The following ADAM32 variants were observed in gnomAD, a reference collection of about 807,000 sequenced individuals.
The protein encoded by ADAM32 is ADAM metallopeptidase domain 32, also known as disintegrin and metalloproteinase domain-containing protein 32.
ADAM32 carries 89 observed loss-of-function variants against 114.9 expected under a neutral mutation model. The observed-to-expected ratio is 0.77, with a 90% confidence interval of 0.65 to 0.92. The LOEUF (loss-of-function observed/expected upper bound fraction) is 0.92, where lower values mean the gene tolerates loss of function less well. Ranked by LOEUF, ADAM32 falls within the 40% of genes least tolerant of loss-of-function variation. The pLI is 0.00. For missense variants in ADAM32, 870 were observed against 932.8 expected (o/e 0.93, Z 0.88); for synonymous variants, 285 against 307.5 (o/e 0.93, Z 0.77).
At chr8:39,177,562 C>T (rs1285835188) in intron 10 of ADAM32, among the ~76,000 whole-genome samples, 4 of 152,148 alleles carry the variant, frequency 2.6e-5, no homozygotes, top group African/African-American at 9.7e-5. Flanking sequence ...ATGATTCTAG[C>T]TGGTTATTTT....
At chr8:39,108,099 A>G in intron 1 of ADAM32, 1 of 414,774 alleles carries the variant, frequency 2.4e-6, no homozygotes, top group Non-Finnish European at 4.2e-6. Flanking sequence ...CTTGGGCAAC[A>G]CAGCAAGACC....
chr8:39,107,951 G>C, intron 1 of ADAM32, 118 bp downstream of exon 1: 6 of 1,345,670 alleles, frequency 4.5e-6, no homozygotes, highest in Non-Finnish European at 5.8e-6. Context: ...CCTGGCAACG[G>C]GGCCTTTTCC....
In ADAM32 at chr8:39,118,544, C is replaced by T. The variant is rs890563444; in HGVS notation, c.138+379C>T. Among the ~76,000 whole-genome samples the T allele has an allele frequency of 1.1e-3, 171 of 152,050 alleles. 1 individual carries two copies. Among genetic ancestry groups the T allele is most frequent in the Non-Finnish European group, 1.6e-3 (111 of 67,972 alleles). ...ACCCCTACACCTAGCAATTCTCAGA[C>T]GAGAAGAAACATTTCATTCTACTAT... is the stretch of plus-strand genomic sequence containing the variant. On this transcript the variant is annotated intron_variant, in intron 2 of 24. Coordinates refer to ENST00000379907, the MANE Select transcript of ADAM32 (RefSeq NM_145004.7).
chr8:39,131,619 G>A (rs564646370), intron 2 of ADAM32, among the ~76,000 whole-genome samples: 1 of 152,258 alleles, frequency 6.6e-6, no homozygotes, highest in African/African-American at 2.4e-5. Flanking sequence ...AGTTCTGTCA[G>A]TTGTTCTTTC....
rs1475874348 is a variant in ADAM32 at position 39,223,202 on chromosome 8, G to A, written c.1489G>A (p.Asp497Asn). ...KFICYDGDCH[D>N]LDARCESVFG... ...TATTTGTTATGACGGAGACTGCCAT[G>A]ATCTCGATGCACGTTGTGAGAGTGT... The change falls in exon 14 of 25, where the codon GAT becomes AAT. Residue 497 changes from aspartate (D) to asparagine (N), a missense_variant. Transcript: ENST00000379907. 2 of 1,597,122 alleles carry A rather than the reference G, an allele frequency of 1.3e-6. No individual in the cohort carries two copies. The highest frequency in any genetic ancestry group is 1.7e-6 in the Non-Finnish European group (2 of 1,172,836).
chr8:39,152,732 A>G (rs111476558), intron 6 of ADAM32, among the ~76,000 whole-genome samples: 4 of 7,374 alleles, frequency 5.4e-4, no homozygotes, highest in African/African-American at 5.2e-4. Context: ...AAAAAAAAAA[A>G]AAAAAAAAAA....
At chr8:39,203,321 T>G (rs1437514995) in intron 11 of ADAM32, among the ~76,000 whole-genome samples, 1 of 152,174 alleles carries the variant, frequency 6.6e-6, no homozygotes, top group African/African-American at 2.4e-5. Flanking sequence ...TGCTCCTGTA[T>G]TGGGTGCATA....
intron 14 of ADAM32, among the ~76,000 whole-genome samples, chr8:39,227,099 C>T (rs1000329428): frequency 1.3e-5 from 2 of 152,098 alleles, no homozygotes; most frequent in South Asian, 2.1e-4. Flanking sequence ...CAAGAACAAA[C>T]CAACAATCCT....
At chr8:39,194,564 T>C (rs181006911) in intron 11 of ADAM32, among the ~76,000 whole-genome samples, 58 of 152,158 alleles carry the variant, frequency 3.8e-4, no homozygotes, top group Admixed American at 7.2e-4. Context: ...CAAGCTGATA[T>C]TTGTCTGTGG....
chr8:39,129,143 G>A (rs1461997450), intron 2 of ADAM32, among the ~76,000 whole-genome samples: 1 of 134,692 alleles, frequency 7.4e-6, no homozygotes, highest in East Asian at 2.2e-4. Context: ...TTTTTTTGTG[G>A]ATTCTTTGGG....
intron 17 of ADAM32, among the ~76,000 whole-genome samples, chr8:39,248,710 T>C (rs1025474660): frequency 1.3e-5 from 2 of 152,118 alleles, no homozygotes; most frequent in East Asian, 1.9e-4. Context: ...ACTTCCTGTA[T>C]GATACTGAAA....
At chr8:39,169,688 G>C (rs1451750576) in intron 9 of ADAM32, 2 of 351,382 alleles carry the variant, frequency 5.7e-6, no homozygotes, top group Admixed American at 8.7e-5. Flanking sequence ...TAAAAACTTT[G>C]ATCTATTAGA....
chr8:39,264,030 A>G lies in ADAM32; in HGVS notation c.2162+6687A>G, dbSNP rs1812206034. Among the ~76,000 whole-genome samples the G allele has an allele frequency of 2.0e-5, 3 of 152,316 alleles. No homozygotes were observed. The South Asian group carries it at 6.2e-4, about 32-fold the overall frequency. ...ATGATAAAGGTATCTGTAACCCTCA[A>G]GAAATTTCTTATTTCCCTTTGTAAT... On this transcript the variant is annotated intron_variant, in intron 19 of 24. Coordinates refer to ENST00000379907, the MANE Select transcript of ADAM32 (RefSeq NM_145004.7).
chr8:39,108,997 C>T (rs141087128), intron 1 of ADAM32, among the ~76,000 whole-genome samples: 126 of 152,292 alleles, frequency 8.3e-4, no homozygotes, highest in African/African-American at 3.0e-3. Context: ...GATTACCTCC[C>T]AAAGGCCATA....
chr8:39,208,306 C>G (rs2129448215), intron 11 of ADAM32, among the ~76,000 whole-genome samples: 1 of 152,276 alleles, frequency 6.6e-6, no homozygotes, highest in Admixed American at 6.5e-5. Context: ...AAACTCTACA[C>G]TTTAACTCCC....
intron 19 of ADAM32, among the ~76,000 whole-genome samples, chr8:39,262,952 C>T (rs1267713413): frequency 6.6e-6 from 1 of 152,080 alleles, no homozygotes; most frequent in Non-Finnish European, 1.5e-5. Flanking sequence ...AAGTGATCTG[C>T]CCACCTTGGC....
chr8:39,243,685 G>A (rs1469596729), intron 16 of ADAM32, among the ~76,000 whole-genome samples: 1 of 152,144 alleles, frequency 6.6e-6, no homozygotes, highest in Non-Finnish European at 1.5e-5. Context: ...ACTGAATAGG[G>A]AAAAGTTGAA....
At chr8:39,268,942 CAA>C (rs1812540292) in intron 19 of ADAM32, among the ~76,000 whole-genome samples, 1 of 152,332 alleles carries the variant, frequency 6.6e-6, no homozygotes, top group South Asian at 2.1e-4. Flanking sequence ...AGGTGGAACT[CAA>C]ACTATTCCTG....
At chr8:39,256,751 C>G (rs1811670788) in intron 18 of ADAM32, among the ~76,000 whole-genome samples, 1 of 151,888 alleles carries the variant, frequency 6.6e-6, no homozygotes, top group East Asian at 1.9e-4. Context: ...TGCAATGACC[C>G]CATTTACAAC....
Sources: gnomAD v4.1 joint callset for allele counts (sites outside exome capture counted in the v4.1 genomes callset) on GRCh38, gnomAD v4.1.1 for gene constraint, MANE v1.5 for transcripts, NCBI Gene and HGNC (gene_info 2026-07-23, HGNC 2026-07-21) for gene names.